The following LINGO2 variants were observed in gnomAD, a reference collection of about 807,000 sequenced individuals.
The protein encoded by LINGO2 is leucine-rich repeat and immunoglobulin-like domain-containing nogo receptor-interacting protein 2.
LINGO2 carries 14 observed loss-of-function variants against 30.6 expected under a neutral mutation model. That is an observed-to-expected ratio of 0.46 (90% confidence interval 0.30 to 0.72). The LOEUF is 0.72. Ranked by LOEUF, LINGO2 falls within the 30% of genes least tolerant of loss-of-function variation. The pLI is 0.07. For missense variants in LINGO2, 729 were observed against 751.7 expected (o/e 0.97, Z 0.35); for synonymous variants, 317 against 288.5 (o/e 1.10, Z -1.00).
chr9:27,944,969 TAACATGGGTC>T, downstream of LINGO2, among the ~76,000 whole-genome samples: 1 of 152,286 alleles, frequency 6.6e-6, no homozygotes, highest in South Asian at 2.1e-4. Context: ...AAAACAGGAT[TAACATGGGTC>T]AAGTGTCTGC....
At chr9:28,312,890 A>T (rs1824686800) in intron 3 of LINGO2, among the ~76,000 whole-genome samples, 1 of 152,064 alleles carries the variant, frequency 6.6e-6, no homozygotes, top group East Asian at 1.9e-4. Flanking sequence ...AAAAAGGAAA[A>T]CTTGACCTTC....
chr9:28,038,333 T>C (rs1824037989), intron 4 of LINGO2, among the ~76,000 whole-genome samples: 1 of 152,122 alleles, frequency 6.6e-6, no homozygotes, highest in African/African-American at 2.4e-5. Context: ...GTATCTGAAG[T>C]ATTGGGAACA....
the LINGO2 span, among the ~76,000 whole-genome samples, chr9:29,015,351 C>T: frequency 2.0e-5 from 3 of 152,100 alleles, no homozygotes; most frequent in African/African-American, 4.8e-5. Flanking sequence ...TATATTTGAG[C>T]ATTCAACACT....
chr9:28,313,831 G>GT (rs756125550), intron 3 of LINGO2, among the ~76,000 whole-genome samples: 6 of 152,172 alleles, frequency 3.9e-5, no homozygotes, highest in Non-Finnish European at 8.8e-5. Context: ...ATGGTACTTT[G>GT]TATGTGTCTC....
Position 28,164,087 on chromosome 9 carries a change from T to C in LINGO2, c.-87+131121A>G, listed in dbSNP as rs967043654. Among the ~76,000 whole-genome samples the C allele has an allele frequency of 3.3e-5, 5 of 152,306 alleles. No individual in the cohort carries two copies. The East Asian group carries it at 7.7e-4, about 23-fold the overall frequency. On this transcript the variant is annotated intron_variant, in intron 4 of 5. Transcript: ENST00000379992. ...GAAACTATTTTTGGCTTACATGTAA[T>C]GAAAATAAATTAATAATAAACTGTA...
intron 1 of LINGO2, among the ~76,000 whole-genome samples, chr9:28,535,269 TA>T (rs1332265187): frequency 6.6e-6 from 1 of 152,168 alleles, no homozygotes; most frequent in Non-Finnish European, 1.5e-5. Flanking sequence ...TCAATGGACA[TA>T]ATCTAATTCA....
intron 3 of LINGO2, among the ~76,000 whole-genome samples, chr9:28,351,064 G>A (rs372800914): frequency 7.9e-5 from 12 of 151,722 alleles, no homozygotes; most frequent in African/African-American, 2.2e-4. Flanking sequence ...TCCAAAATTG[G>A]CACCCTAACA....
rs1388645029 is a variant in LINGO2 at position 28,506,437 on chromosome 9, CACACACACACACACACACATACACAT to C, written c.-364-30438_-364-30413del. 7.5e-5 allele frequency among the ~76,000 whole-genome samples: 8 copies of C among 106,912 alleles called. 1 individual carries two copies. Among genetic ancestry groups the C allele is most frequent in the African/African-American group, 2.4e-4 (7 of 29,062 alleles). 70.1% of individuals were successfully genotyped at this position (106,912 alleles called of 152,430 possible). The stretch of plus-strand genomic sequence containing the variant: ...ATATATATATACACACACACACACA[CACACACACACACACACACATACACAT>C]ACACACACACACACACATACACATA... On this transcript the variant is annotated intron_variant, in intron 1 of 5. Transcript: ENST00000379992.
At chr9:28,016,424 ATT>A in intron 4 of LINGO2, among the ~76,000 whole-genome samples, 1 of 152,122 alleles carries the variant, frequency 6.6e-6, no homozygotes, top group Non-Finnish European at 1.5e-5. Context: ...TGAATTTAAT[ATT>A]ATCAAGAAAT....
chr9:27,974,090 C>G (rs10757703), intron 5 of LINGO2, among the ~76,000 whole-genome samples: 39,221 of 152,090 alleles, frequency 0.26, 5,539 homozygotes, highest in Non-Finnish European at 0.31. Context: ...CTTCCACAAT[C>G]AAGCTGTTAT....
At chr9:27,966,815 A>C (rs1351217383) in intron 5 of LINGO2, among the ~76,000 whole-genome samples, 1 of 152,148 alleles carries the variant, frequency 6.6e-6, no homozygotes, top group Non-Finnish European at 1.5e-5. Context: ...ATAATTGTTC[A>C]GGTTTCAAAA....
chr9:28,743,106 T>G, the LINGO2 span, among the ~76,000 whole-genome samples: 1 of 152,064 alleles, frequency 6.6e-6, no homozygotes, highest in Non-Finnish European at 1.5e-5. Context: ...AAGGCAAGTC[T>G]GCTAGCAATG....
chr9:28,300,412 C>T (rs187561851), intron 3 of LINGO2, among the ~76,000 whole-genome samples: 1 of 152,220 alleles, frequency 6.6e-6, no homozygotes, highest in Non-Finnish European at 1.5e-5. Flanking sequence ...TACTCAAGCA[C>T]AATTCTCTTT....
At chr9:27,997,980 C>T (rs986765352) in intron 5 of LINGO2, among the ~76,000 whole-genome samples, 7 of 151,934 alleles carry the variant, frequency 4.6e-5, no homozygotes, top group South Asian at 2.1e-4. Context: ...GAGGTGGACA[C>T]CAGTCTGAAT....
At chr9:28,558,826 G>A (rs781029402) in intron 1 of LINGO2, among the ~76,000 whole-genome samples, 2 of 151,980 alleles carry the variant, frequency 1.3e-5, no homozygotes, top group Non-Finnish European at 2.9e-5. Flanking sequence ...GAGCTCGTGT[G>A]TGTGTTTAAT....
At chr9:27,976,552 T>G (rs1172587348) in intron 5 of LINGO2, among the ~76,000 whole-genome samples, 4 of 152,026 alleles carry the variant, frequency 2.6e-5, no homozygotes, top group African/African-American at 9.7e-5. Flanking sequence ...TCACAACAAC[T>G]CTAGAAAGGA....
intron 4 of LINGO2, among the ~76,000 whole-genome samples, chr9:28,281,480 TACAC>T (rs5897279): frequency 3.3e-5 from 5 of 150,982 alleles, no homozygotes; most frequent in South Asian, 2.1e-4. Context: ...TATATATATA[TACAC>T]ACACACACAC....
chr9:28,231,736 G>A (rs752488662), intron 4 of LINGO2, among the ~76,000 whole-genome samples: 4 of 151,836 alleles, frequency 2.6e-5, no homozygotes, highest in Non-Finnish European at 4.4e-5. Context: ...ATCCTTGTTA[G>A]GTAAGTATGG....
At chr9:28,975,167 GA>G in the LINGO2 span, among the ~76,000 whole-genome samples, 1 of 151,436 alleles carries the variant, frequency 6.6e-6, no homozygotes, top group Non-Finnish European at 1.5e-5. Flanking sequence ...GTTGGTCTAA[GA>G]TGCTGATTTC....
Sources: allele counts gnomAD v4.1 joint callset (sites outside exome capture counted in the v4.1 genomes callset), GRCh38; gene constraint gnomAD v4.1.1; transcripts MANE v1.5; gene names NCBI Gene and HGNC (gene_info 2026-07-23, HGNC 2026-07-21).